Variants in ZNF18 observed in about 807,000 individuals in gnomAD.
ZNF18 encodes the protein heart development-specific gene 1 protein.
In ZNF18, 42 loss-of-function variants were observed where a neutral mutation model predicts 58.1. That is an observed-to-expected ratio of 0.72 (90% CI 0.56 to 0.93). ZNF18 has a LOEUF of 0.93. Ranked by LOEUF, ZNF18 falls within the 40% of genes least tolerant of loss-of-function variation. ZNF18 has a pLI of 0.00. For synonymous variants in ZNF18, 231 were observed against 239.8 expected (o/e 0.96, Z 0.34); for missense variants, 540 against 644.2 (o/e 0.84, Z 1.75).
At chr17:11,981,373 G>A (rs1567599009) in intron 6 of ZNF18, among the ~76,000 whole-genome samples, 2 of 147,784 alleles carry the variant, frequency 1.4e-5, no homozygotes, top group Non-Finnish European at 3.0e-5. Context: ...AGGCTGGAGT[G>A]CAATGGCGCG....
chr17:11,980,227 T>C (rs1161701681), intron 6 of ZNF18, among the ~76,000 whole-genome samples: 1 of 152,194 alleles, frequency 6.6e-6, no homozygotes, highest in Non-Finnish European at 1.5e-5. Flanking sequence ...GCCATTTAGA[T>C]GGATGAAAAG....
intron 1 of ZNF18, 69 bp from the exon 2 acceptor site, chr17:11,992,980 A>C (rs756817356): frequency 1.1e-6 from 1 of 913,286 alleles, no homozygotes; most frequent in South Asian, 1.8e-5. Context: ...ACAAATTCAC[A>C]TGCCCTACCC....
chr17:11,984,112 C>A lies in ZNF18; in HGVS notation c.751+1G>T. On this transcript the variant is annotated splice_donor_variant, in intron 5 of 6. Coordinates refer to ENST00000580306, the MANE Select transcript of ZNF18 (RefSeq NM_001303281.2). LOFTEE classifies it high-confidence loss of function. ...TCCATCAGACTAACCCACACCCTCA[C>A]CTCCTGAGACCATTTTCCCATAGGT... The A allele has an allele frequency of 3.1e-6, 5 of 1,612,528 alleles. No homozygotes were observed. Among genetic ancestry groups the A allele is most frequent in the East Asian group, 2.2e-5 (1 of 44,838 alleles).
the ZNF18 span, among the ~76,000 whole-genome samples, chr17:12,010,565 G>A: frequency 2.8e-3 from 429 of 152,054 alleles, 1 homozygote; most frequent in South Asian, 6.7e-3. Flanking sequence ...ACAGGCGCCC[G>A]TCACCACGCC....
chr17:11,996,037 T>C (rs1355154315), intron 1 of ZNF18, among the ~76,000 whole-genome samples: 1 of 152,162 alleles, frequency 6.6e-6, no homozygotes, highest in Non-Finnish European at 1.5e-5. Flanking sequence ...TCTCTGATCA[T>C]AGTGCAATTA....
At chr17:12,007,697 G>A in the ZNF18 span, among the ~76,000 whole-genome samples, 1 of 152,272 alleles carries the variant, frequency 6.6e-6, no homozygotes, top group Non-Finnish European at 1.5e-5. Context: ...ATGGCTAGAC[G>A]CCTGCCCACG....
upstream of ZNF18, among the ~76,000 whole-genome samples, chr17:12,001,804 TATA>T (rs1277163970): frequency 2.6e-5 from 4 of 152,050 alleles, no homozygotes; most frequent in African/African-American, 7.2e-5. Flanking sequence ...CCCATAAATA[TATA>T]ATTATTATTC....
chr17:11,990,760 C>T (rs1183214705), intron 3 of ZNF18, among the ~76,000 whole-genome samples: 1 of 152,212 alleles, frequency 6.6e-6, no homozygotes, highest in African/African-American at 2.4e-5. Flanking sequence ...CCTCCTTCCT[C>T]AGAGCCAAAA....
intron 4 of ZNF18, among the ~76,000 whole-genome samples, chr17:11,990,233 AAT>A (rs151059281): frequency 0.011 from 1,631 of 151,966 alleles, 32 homozygotes; most frequent in African/African-American, 0.037. Context: ...GAAATAAGCA[AAT>A]ATATATATAT....
the ZNF18 span, among the ~76,000 whole-genome samples, chr17:12,019,487 A>G: frequency 6.6e-6 from 1 of 152,226 alleles, no homozygotes; most frequent in Non-Finnish European, 1.5e-5. Flanking sequence ...TGGGCTACTG[A>G]TTTCCAGATG....
upstream of ZNF18, among the ~76,000 whole-genome samples, chr17:12,001,851 C>A (rs1451704776): frequency 2.6e-5 from 4 of 151,586 alleles, no homozygotes; most frequent in East Asian, 3.9e-4. Flanking sequence ...TTTTAAAAAT[C>A]TATTATAAAT....
chr17:11,998,658 T>A (rs1453284928), upstream of ZNF18, among the ~76,000 whole-genome samples: 1 of 151,968 alleles, frequency 6.6e-6, no homozygotes, highest in Non-Finnish European at 1.5e-5. Flanking sequence ...AAGATCCTCC[T>A]CTGGAGAAAT....
intron 1 of ZNF18, 112 bp downstream of exon 1, chr17:11,997,319 G>C (rs1968532036): frequency 6.6e-6 from 1 of 152,478 alleles, no homozygotes; most frequent in Non-Finnish European, 1.5e-5. Context: ...AAGGGAGCCC[G>C]CTGGCCCCTC....
At chr17:11,996,624 G>A (rs2151490172) in intron 1 of ZNF18, among the ~76,000 whole-genome samples, 1 of 152,126 alleles carries the variant, frequency 6.6e-6, no homozygotes, top group South Asian at 2.1e-4. Context: ...AAAAAATAAG[G>A]TTGTCTGTTA....
chr17:11,994,676 C>T (rs985886494), intron 1 of ZNF18, among the ~76,000 whole-genome samples: 6 of 151,962 alleles, frequency 3.9e-5, no homozygotes, highest in African/African-American at 7.3e-5. Context: ...CCCTTCTCTA[C>T]TAAAAATACA....
chr17:12,006,046 C>G, the ZNF18 span, among the ~76,000 whole-genome samples: 1 of 151,948 alleles, frequency 6.6e-6, no homozygotes, highest in Non-Finnish European at 1.5e-5. Flanking sequence ...TTTCCTGAAT[C>G]AGATTATCTG....
In ZNF18 at chr17:11,977,800, C is replaced by G; in HGVS notation, c.*157G>C. On this transcript the variant is annotated 3_prime_UTR_variant, in exon 7 of 7. Coordinates refer to ENST00000580306, the MANE Select transcript of ZNF18 (RefSeq NM_001303281.2). The stretch of plus-strand genomic sequence containing the variant: ...TGTGCAATCCAATCCAAGATATCCT[C>G]CAAGTCCAAAGCCATGTCCAGATTC... 1.2e-6 allele frequency: 1 copy of G among 838,234 alleles called. No individual in the cohort carries two copies. The highest frequency in any genetic ancestry group is 1.8e-6 in the Non-Finnish European group (1 of 555,902). The allele number at this position is 838,234 out of a possible 1,614,324, so 51.9% of individuals were successfully genotyped here. A position where few individuals can be genotyped will look rare whatever the true frequency, so the allele number is the denominator to read the frequency against.
the ZNF18 span, among the ~76,000 whole-genome samples, chr17:12,019,734 A>T: frequency 2.0e-5 from 3 of 152,232 alleles, no homozygotes; most frequent in Admixed American, 6.5e-5. Flanking sequence ...TTGACCCAGG[A>T]CACATTTCCA....
the ZNF18 span, among the ~76,000 whole-genome samples, chr17:12,013,320 T>C: frequency 6.6e-6 from 1 of 152,264 alleles, no homozygotes; most frequent in Non-Finnish European, 1.5e-5. Context: ...TTTTCCCAGT[T>C]AGCAGTTTGT....
Sources: allele counts gnomAD v4.1 joint callset (sites outside exome capture counted in the v4.1 genomes callset), GRCh38; gene constraint gnomAD v4.1.1; transcripts MANE v1.5; gene names NCBI Gene and HGNC (gene_info 2026-07-23, HGNC 2026-07-21).